The following AFG2A variants were observed in gnomAD, a reference collection of about 807,000 sequenced individuals.
AFG2A encodes AAA ATPase AFG2A.
chr4:123,202,334 A>G, the AFG2A span, among the ~76,000 whole-genome samples: 1 of 152,186 alleles, frequency 6.6e-6, no homozygotes, highest in Non-Finnish European at 1.5e-5. Flanking sequence ...TATTATATGC[A>G]GGTTTTATGC....
the AFG2A span, among the ~76,000 whole-genome samples, chr4:123,250,849 CTAT>C: frequency 1.3e-5 from 2 of 152,108 alleles, no homozygotes; most frequent in African/African-American, 4.8e-5. Flanking sequence ...ATAGAACATG[CTAT>C]TATTCAGAAT....
At chr4:123,185,679 T>G in the AFG2A span, among the ~76,000 whole-genome samples, 3 of 152,344 alleles carry the variant, frequency 2.0e-5, no homozygotes, top group African/African-American at 7.2e-5. Flanking sequence ...ATATGTTTTT[T>G]TCTTATACAT....
At chr4:123,059,147 T>TTTATC in the AFG2A span, among the ~76,000 whole-genome samples, 6 of 148,840 alleles carry the variant, frequency 4.0e-5, no homozygotes, top group African/African-American at 1.5e-4. Context: ...TTTATTTTAT[T>TTTATC]TTATTTTATT....
chr4:123,083,593 G>C, the AFG2A span, among the ~76,000 whole-genome samples: 2 of 148,866 alleles, frequency 1.3e-5, no homozygotes, highest in Non-Finnish European at 3.0e-5. Context: ...TTAAGAGACA[G>C]GGTCTCACTC....
At chr4:123,052,317 TG>T in the AFG2A span, among the ~76,000 whole-genome samples, 1 of 152,238 alleles carries the variant, frequency 6.6e-6, no homozygotes, top group African/African-American at 2.4e-5. Context: ...TCAGTATCTC[TG>T]TTAAATTTCC....
At chr4:123,163,786 A>T in the AFG2A span, among the ~76,000 whole-genome samples, 1 of 152,216 alleles carries the variant, frequency 6.6e-6, no homozygotes, top group South Asian at 2.1e-4. Context: ...GAGTTTTAGT[A>T]AATGAAGAGA....
the AFG2A span, among the ~76,000 whole-genome samples, chr4:123,131,274 C>T: frequency 6.6e-6 from 1 of 152,038 alleles, no homozygotes; most frequent in East Asian, 1.9e-4. Flanking sequence ...CAACTCTTTA[C>T]TTATGTATAA....
At chr4:123,192,547 A>G in the AFG2A span, among the ~76,000 whole-genome samples, 1 of 152,238 alleles carries the variant, frequency 6.6e-6, no homozygotes, top group East Asian at 1.9e-4. Context: ...TTAGTTTCAC[A>G]GTAGCCATAT....
chr4:123,292,635 CTTGGTTATAAA>C, the AFG2A span, among the ~76,000 whole-genome samples: 1 of 152,116 alleles, frequency 6.6e-6, no homozygotes, highest in Non-Finnish European at 1.5e-5. Context: ...TTCCAAGTTC[CTTGGTTATAAA>C]ACATCTTTGC....
At chr4:123,013,590 C>T in the AFG2A span, among the ~76,000 whole-genome samples, 1 of 152,050 alleles carries the variant, frequency 6.6e-6, no homozygotes, top group Admixed American at 6.6e-5. Context: ...ACACCAGGGC[C>T]TGTCGGGGTT....
the AFG2A span, among the ~76,000 whole-genome samples, chr4:123,257,810 G>A: frequency 2.6e-5 from 4 of 152,166 alleles, no homozygotes; most frequent in African/African-American, 9.7e-5. Context: ...AGAGCAGTTA[G>A]CAAGATATAA....
the AFG2A span, among the ~76,000 whole-genome samples, chr4:123,161,446 A>T: frequency 1.1e-4 from 17 of 152,156 alleles, no homozygotes; most frequent in African/African-American, 4.1e-4. Flanking sequence ...GGAAGAAAGG[A>T]TGCTATTTCA....
At chr4:122,931,289 T>A in the AFG2A span, among the ~76,000 whole-genome samples, 1 of 152,152 alleles carries the variant, frequency 6.6e-6, no homozygotes, top group Admixed American at 6.5e-5. Flanking sequence ...ATACATATAT[T>A]TGATTCATGA....
the AFG2A span, among the ~76,000 whole-genome samples, chr4:123,214,968 A>G: frequency 4.6e-5 from 7 of 152,016 alleles, no homozygotes; most frequent in African/African-American, 1.7e-4. Context: ...AGGTTAAAGG[A>G]GAATTTTTGA....
At chr4:123,167,227 A>G in the AFG2A span, among the ~76,000 whole-genome samples, 1 of 148,630 alleles carries the variant, frequency 6.7e-6, no homozygotes, top group Non-Finnish European at 1.5e-5. Context: ...ATATACTTAC[A>G]TATAGATATC....
the AFG2A span, among the ~76,000 whole-genome samples, chr4:123,228,204 A>G: frequency 6.6e-6 from 1 of 152,130 alleles, no homozygotes; most frequent in Non-Finnish European, 1.5e-5. Flanking sequence ...TAATTGGAGC[A>G]TTTAGCCCAT....
chr4:123,108,485 A>G, the AFG2A span, among the ~76,000 whole-genome samples: 1 of 152,158 alleles, frequency 6.6e-6, no homozygotes, highest in Non-Finnish European at 1.5e-5. Context: ...ACCAAGTAAT[A>G]ATGTTTACCT....
the AFG2A span, among the ~76,000 whole-genome samples, chr4:123,051,901 A>T: frequency 6.6e-6 from 1 of 152,088 alleles, no homozygotes; most frequent in East Asian, 1.9e-4. Context: ...TTTAATTATA[A>T]ATCTTGGGTT....
chr4:123,163,195 GGAGGCC>G, the AFG2A span, among the ~76,000 whole-genome samples: 1 of 152,178 alleles, frequency 6.6e-6, no homozygotes, highest in Non-Finnish European at 1.5e-5. Flanking sequence ...CAGCACTTTG[GGAGGCC>G]GAGGCGGGTG....
Sources: allele counts gnomAD v4.1 joint callset (sites outside exome capture counted in the v4.1 genomes callset), GRCh38; gene constraint gnomAD v4.1.1; transcripts MANE v1.5; gene names NCBI Gene and HGNC (gene_info 2026-07-23, HGNC 2026-07-21).